MIX23: variants seen among roughly 807,000 people sequenced by gnomAD.
MIX23 encodes the protein mitochondrial matrix import factor 23.
A neutral mutation model predicts 21.6 loss-of-function variants in MIX23; 13 were observed. The ratio of observed to expected loss-of-function variants is 0.60; its 90% CI spans 0.39 to 0.96. The LOEUF is 0.96. Among genes scored for constraint, MIX23 ranks in the 40% least tolerant of loss-of-function variants. MIX23 has a pLI of 0.00. For missense variants in MIX23, 144 were observed against 171.2 expected (o/e 0.84, Z 0.89); for synonymous variants, 59 against 58.0 (o/e 1.02, Z -0.08).
chr3:122,368,391 A>G, intron 2 of MIX23, 69 bp from the exon 3 acceptor site: 1 of 1,439,572 alleles, frequency 6.9e-7, no homozygotes, highest in South Asian at 1.4e-5. Flanking sequence ...GTGTTTTTCA[A>G]AAAAATCCTT....
In MIX23 at chr3:122,372,812, T is replaced by C. The variant is rs138894393; in HGVS notation, c.52-1012A>G. Among the ~76,000 whole-genome samples the C allele has an allele frequency of 8.6e-4, 131 of 152,126 alleles. 1 individual carries two copies. Among genetic ancestry groups the C allele is most frequent in the Admixed American group, 4.5e-3 (68 of 15,278 alleles). On this transcript the variant is annotated intron_variant, in intron 1 of 4. Coordinates refer to ENST00000291458, the MANE Select transcript of MIX23 (RefSeq NM_001017928.4). The stretch of plus-strand genomic sequence containing the variant: ...CACCACTGTACTCCTGCCTGGGCAA[T>C]AGTAAGACCCTGTCTCTTAAAAAAA...
In MIX23 at chr3:122,359,889, T is replaced by C. The variant is rs1464117166; in HGVS notation, c.415A>G (p.Lys139Glu). The change falls in exon 5 of 5, where the codon AAG becomes GAG. Residue 139 changes from lysine to glutamate, a missense_variant. By Grantham distance (56) the Lys-to-Glu change is moderately conservative. Transcript: ENST00000291458. Reference sequence around the variant, plus strand: ...TCTCTTTATTCATTCTTTGGAGGCTTGAAGTGAATTCGGCAGCGTTCATTA... The same window carrying C: ...TCTCTTTATTCATTCTTTGGAGGCTCGAAGTGAATTCGGCAGCGTTCATTA... Reference protein sequence around the residue: ...VFNERCRIHFKPPKNE With the variant: ...VFNERCRIHFEPPKNE The C allele has an allele frequency of 3.2e-6, 5 of 1,542,698 alleles. No individual in the cohort carries two copies. Among genetic ancestry groups the C allele is most frequent in the Non-Finnish European group, 4.4e-6 (5 of 1,141,544 alleles).
At chr3:122,364,506 T>A (rs1279707814) in intron 3 of MIX23, among the ~76,000 whole-genome samples, 1 of 152,178 alleles carries the variant, frequency 6.6e-6, no homozygotes, top group Non-Finnish European at 1.5e-5. Context: ...GGATACTATG[T>A]AGAAAAGGGT....
intron 2 of MIX23, among the ~76,000 whole-genome samples, chr3:122,371,363 T>G (rs2075440616): frequency 6.6e-6 from 1 of 152,254 alleles, no homozygotes; most frequent in South Asian, 2.1e-4. Flanking sequence ...CTTGTTACTG[T>G]TTTACTTCAC....
At chr3:122,362,480 T>G (rs1023724128) in intron 4 of MIX23, among the ~76,000 whole-genome samples, 1 of 151,916 alleles carries the variant, frequency 6.6e-6, no homozygotes, top group Non-Finnish European at 1.5e-5. Context: ...TGTTTTGTTT[T>G]GTTTTGGTTT....
chr3:122,370,776 G>A (rs527994491), intron 2 of MIX23, among the ~76,000 whole-genome samples: 9 of 152,204 alleles, frequency 5.9e-5, no homozygotes, highest in South Asian at 2.1e-4. Flanking sequence ...CCATCCTGTC[G>A]ACTCCCAATA....
intron 1 of MIX23, among the ~76,000 whole-genome samples, chr3:122,382,111 T>C (rs759402317): frequency 1.6e-4 from 24 of 152,214 alleles, no homozygotes; most frequent in Non-Finnish European, 2.9e-4. Flanking sequence ...AAACACTCTT[T>C]TCTGGATTTT....
chr3:122,382,670 T>C (rs1431238300), intron 1 of MIX23, among the ~76,000 whole-genome samples: 3 of 152,222 alleles, frequency 2.0e-5, no homozygotes, highest in Non-Finnish European at 2.9e-5. Flanking sequence ...TCTTCTCTAA[T>C]GGGCAATGAC....
At chr3:122,373,042 A>G (rs1395900300) in intron 1 of MIX23, 2 of 395,256 alleles carry the variant, frequency 5.1e-6, no homozygotes, top group Admixed American at 3.1e-5. Context: ...TCCATTTGTT[A>G]AAATAAAAAT....
intron 4 of MIX23, 76 bp from the exon 5 acceptor site, chr3:122,359,995 TAGGC>T: frequency 1.1e-5 from 15 of 1,382,280 alleles, no homozygotes; most frequent in African/African-American, 1.5e-5. Flanking sequence ...TTCAATTTAG[TAGGC>T]TCCAAAAGGC....
intron 3 of MIX23, 104 bp downstream of exon 3, chr3:122,368,068 TTAAG>T: frequency 1.1e-6 from 1 of 920,462 alleles, no homozygotes; most frequent in Non-Finnish European, 1.7e-6. Flanking sequence ...GATCATTTTT[TTAAG>T]TAACTGCCAT....
intron 2 of MIX23, among the ~76,000 whole-genome samples, chr3:122,368,559 T>C (rs1012085483): frequency 6.6e-6 from 1 of 152,180 alleles, no homozygotes; most frequent in Non-Finnish European, 1.5e-5. Flanking sequence ...TTCCTCAATA[T>C]GCTCCTGGTA....
chr3:122,369,152 T>C (rs906364011), intron 2 of MIX23, among the ~76,000 whole-genome samples: 1 of 152,232 alleles, frequency 6.6e-6, no homozygotes, highest in African/African-American at 2.4e-5. Flanking sequence ...TCATAGACTC[T>C]ATTGTTCAGT....
chr3:122,376,932 C>G (rs1168876332), intron 1 of MIX23, among the ~76,000 whole-genome samples: 3 of 151,742 alleles, frequency 2.0e-5, no homozygotes, highest in Non-Finnish European at 4.4e-5. Context: ...CACCTGTAAT[C>G]CCAGCACTTT....
intron 1 of MIX23, chr3:122,372,894 T>A (rs1168246397): frequency 3.1e-6 from 1 of 322,184 alleles, no homozygotes; most frequent in African/African-American, 2.2e-5. Flanking sequence ...TACTTATTAT[T>A]GAAAACATCC....
intron 1 of MIX23, among the ~76,000 whole-genome samples, chr3:122,377,336 G>A (rs1339566322): frequency 1.3e-5 from 2 of 152,218 alleles, no homozygotes; most frequent in African/African-American, 4.8e-5. Context: ...GAGTATGCCA[G>A]TCTGACACTG....
chr3:122,376,956 G>A (rs1324607126), intron 1 of MIX23, among the ~76,000 whole-genome samples: 3 of 152,148 alleles, frequency 2.0e-5, no homozygotes, highest in African/African-American at 7.2e-5. Flanking sequence ...AGGCTGAGGT[G>A]GGTGGATCAC....
chr3:122,359,841 A>AC lies in MIX23; in HGVS notation c.*27_*28insG. 1.4e-6 allele frequency: 1 copy of AC among 730,920 alleles called. No individual in the cohort carries two copies. Among genetic ancestry groups the AC allele is most frequent in the Non-Finnish European group, 1.8e-6 (1 of 546,046 alleles). The allele number at this position is 730,920 out of a possible 1,614,324, so 45.3% of individuals were successfully genotyped here. A position where few individuals can be genotyped will look rare whatever the true frequency, so the allele number is the denominator to read the frequency against. ...GATGACCCAGTCCTTAAAAAAAAAA[A>AC]AAAAAAAAAAAAAAAAAGAATCTCT... On this transcript the variant is annotated 3_prime_UTR_variant, in exon 5 of 5. Transcript: ENST00000291458.
At chr3:122,375,249 G>A (rs749282557) in intron 1 of MIX23, among the ~76,000 whole-genome samples, 52 of 152,318 alleles carry the variant, frequency 3.4e-4, no homozygotes, top group African/African-American at 1.1e-3. Flanking sequence ...GGTCAGGGAC[G>A]AGAAAATAAA....
Sources: allele counts gnomAD v4.1 joint callset (sites outside exome capture counted in the v4.1 genomes callset), GRCh38; gene constraint gnomAD v4.1.1; transcripts MANE v1.5; gene names NCBI Gene and HGNC (gene_info 2026-07-23, HGNC 2026-07-21).